RALGPS1: variants seen among roughly 807,000 people sequenced by gnomAD.
RALGPS1 encodes ras-specific guanine nucleotide-releasing factor RalGPS1.
RALGPS1 carries 19 observed loss-of-function variants against 78.8 expected under a neutral mutation model. That is an observed-to-expected ratio of 0.24 (90% CI 0.17 to 0.35). The LOEUF is 0.35. RALGPS1 is among the 10% of genes least tolerant of loss of function. RALGPS1 has a pLI of 1.00. For synonymous variants in RALGPS1, 228 were observed against 256.3 expected (o/e 0.89, Z 1.06); for missense variants, 454 against 688.3 (o/e 0.66, Z 3.81).
chr9:127,118,461 T>A (rs2055683094), intron 8 of RALGPS1, among the ~76,000 whole-genome samples: 1 of 152,262 alleles, frequency 6.6e-6, no homozygotes, highest in South Asian at 2.1e-4. Context: ...GAATTGATTC[T>A]TTCTTGAGAT....
At chr9:127,055,609 A>G (rs2048676147) in intron 7 of RALGPS1, among the ~76,000 whole-genome samples, 1 of 152,204 alleles carries the variant, frequency 6.6e-6, no homozygotes, top group Non-Finnish European at 1.5e-5. Flanking sequence ...ATGAGGAAAC[A>G]GACACAGAAA....
intron 8 of RALGPS1, among the ~76,000 whole-genome samples, chr9:127,082,731 T>C (rs980010459): frequency 2.6e-5 from 4 of 152,120 alleles, no homozygotes; most frequent in Non-Finnish European, 5.9e-5. Context: ...AGAGAGTAAT[T>C]ATAGAATCCA....
At chr9:127,166,338 T>A in intron 9 of RALGPS1, 132 bp downstream of exon 9, 1 of 1,055,650 alleles carries the variant, frequency 9.5e-7, no homozygotes, top group Non-Finnish European at 1.4e-6. Flanking sequence ...ATCAAACATG[T>A]ACTAGATCCT....
intron 4 of RALGPS1, among the ~76,000 whole-genome samples, chr9:127,023,401 A>G (rs538778211): frequency 6.6e-6 from 1 of 151,806 alleles, no homozygotes; most frequent in Non-Finnish European, 1.5e-5. Context: ...TTTCTTTCCC[A>G]CTTGCCCTTA....
chr9:127,069,177 C>G lies in RALGPS1; in HGVS notation c.484-53C>G. ...TTTAGTCTTCATCCACAGTTATCCA[C>G]TCTTTAGCTTCTTCTGGTTTACTTA... On this transcript the variant is annotated intron_variant, in intron 7 of 18. Coordinates refer to ENST00000259351, the MANE Select transcript of RALGPS1 (RefSeq NM_014636.3). 6.0e-6 allele frequency: 3 copies of G among 495,894 alleles called. No individual in the cohort carries two copies. In the South Asian group the frequency reaches 7.0e-5, roughly 11 times the overall value. 30.7% of individuals were successfully genotyped at this position (495,894 alleles called of 1,614,324 possible).
intron 1 of RALGPS1, among the ~76,000 whole-genome samples, chr9:126,916,430 G>C (rs2034165683): frequency 6.6e-6 from 1 of 152,160 alleles, no homozygotes; most frequent in African/African-American, 2.4e-5. Context: ...ATAAAGCTCA[G>C]GCCTGAGGCT....
At chr9:127,189,241 C>T (rs2060885552) in intron 11 of RALGPS1, among the ~76,000 whole-genome samples, 1 of 152,138 alleles carries the variant, frequency 6.6e-6, no homozygotes, top group African/African-American at 2.4e-5. Flanking sequence ...TCTCATTCAT[C>T]AAACAGAGAT....
intron 4 of RALGPS1, among the ~76,000 whole-genome samples, chr9:126,981,650 G>A (rs532680765): frequency 6.6e-6 from 1 of 152,250 alleles, no homozygotes; most frequent in East Asian, 1.9e-4. Context: ...CATTTAATCC[G>A]CATCACAGTG....
chr9:127,101,389 C>G (rs1368611543), intron 8 of RALGPS1, among the ~76,000 whole-genome samples: 1 of 152,166 alleles, frequency 6.6e-6, no homozygotes, highest in Non-Finnish European at 1.5e-5. Flanking sequence ...ATCTGTGTCC[C>G]CATAAGACTG....
intron 1 of RALGPS1, among the ~76,000 whole-genome samples, chr9:126,940,207 T>C (rs774741038): frequency 2.6e-5 from 4 of 152,052 alleles, no homozygotes; most frequent in Non-Finnish European, 5.9e-5. Context: ...CCAGCCCGCC[T>C]CTCACTCCAC....
At position 127,211,244 on chromosome 9, in the gene RALGPS1, C is replaced by T. The variant is rs2062235554; in HGVS notation, c.1248-887C>T. On this transcript the variant is annotated intron_variant, in intron 14 of 18. Coordinates refer to ENST00000259351, the MANE Select transcript of RALGPS1 (RefSeq NM_014636.3). This position sits in a 1 kb window ranked among gnomAD's most constrained non-coding sequence, Gnocchi z 5.0. Reference sequence around the variant, plus strand: ...CTCAGATCTTAAAAGCGACAGGAAGCCATGAAAGGGGCTTGCTGTGGGCAG... The same window carrying T: ...CTCAGATCTTAAAAGCGACAGGAAGTCATGAAAGGGGCTTGCTGTGGGCAG... Among the ~76,000 whole-genome samples, 2 of 152,064 alleles carry T rather than the reference C, an allele frequency of 1.3e-5. No individual in the cohort carries two copies. The highest frequency in any genetic ancestry group is 2.1e-4 in the South Asian group (1 of 4,828).
chr9:126,980,759 G>A (rs1224847153), intron 4 of RALGPS1, among the ~76,000 whole-genome samples: 4 of 152,138 alleles, frequency 2.6e-5, no homozygotes, highest in Non-Finnish European at 5.9e-5. Context: ...CCTGAACCAG[G>A]CCTGTCTGAG....
chr9:127,105,845 T>C (rs964875500), intron 8 of RALGPS1, among the ~76,000 whole-genome samples: 1 of 152,218 alleles, frequency 6.6e-6, no homozygotes, highest in Non-Finnish European at 1.5e-5. Context: ...TGTCACCTAC[T>C]TCCCCAAGTC....
At chr9:127,092,966 A>G (rs546539024) in intron 8 of RALGPS1, among the ~76,000 whole-genome samples, 2 of 152,138 alleles carry the variant, frequency 1.3e-5, no homozygotes, top group Non-Finnish European at 2.9e-5. Flanking sequence ...TACTGGGCCA[A>G]TTCCTGGCTT....
At chr9:127,190,372 G>A (rs1014804102) in intron 11 of RALGPS1, among the ~76,000 whole-genome samples, 4 of 152,198 alleles carry the variant, frequency 2.6e-5, no homozygotes, top group Non-Finnish European at 5.9e-5. Flanking sequence ...TGCCCAGGCT[G>A]GAGTGCAGTG....
chr9:127,049,229 GGAAGAGCTAGCCACT>G, intron 5 of RALGPS1, among the ~76,000 whole-genome samples: 1 of 152,284 alleles, frequency 6.6e-6, no homozygotes, highest in South Asian at 2.1e-4. Context: ...AACATAAACA[GGAAGAGCTAGCCACT>G]TCCCAGCATT....
At chr9:127,207,187 A>G (rs555362071) in intron 14 of RALGPS1, among the ~76,000 whole-genome samples, 118 of 151,748 alleles carry the variant, frequency 7.8e-4, no homozygotes, top group Non-Finnish European at 1.5e-3. Flanking sequence ...CCATCATCTC[A>G]TTGTCCCATC....
rs78135957 is a variant in RALGPS1 at position 127,060,798 on chromosome 9, C to T, written c.483+7859C>T. 7.8e-3 allele frequency among the ~76,000 whole-genome samples: 1,195 copies of T among 152,320 alleles called. 23 individuals are homozygous for T. The highest frequency in any genetic ancestry group is 0.027 in the African/African-American group (1,133 of 41,576). ...CTCCCTCAACCCCTCGTCCACCTTG[C>T]TAGGATGGGGGCTGTGTGCCATCGC... On this transcript the variant is annotated intron_variant, in intron 7 of 18. Coordinates refer to ENST00000259351, the MANE Select transcript of RALGPS1 (RefSeq NM_014636.3).
At chr9:127,108,177 G>A in intron 8 of RALGPS1, 1 of 1,614,100 alleles carries the variant, frequency 6.2e-7, no homozygotes, top group Non-Finnish European at 8.5e-7. Context: ...GTGTGGCCAG[G>A]TGCTGGTACT....
Sources: allele counts gnomAD v4.1 joint callset (sites outside exome capture counted in the v4.1 genomes callset), GRCh38; gene constraint gnomAD v4.1.1; non-coding constraint Gnocchi (gnomAD v3.1); transcripts MANE v1.5; gene names NCBI Gene and HGNC (gene_info 2026-07-23, HGNC 2026-07-21).